The following CCM2 variants were observed in gnomAD, a reference collection of about 807,000 sequenced individuals.
CCM2 encodes CCM2 scaffold protein.
CCM2 carries 25 observed loss-of-function variants against 44.9 expected under a neutral mutation model. The ratio of observed to expected loss-of-function variants is 0.56; its 90% CI spans 0.41 to 0.78. The LOEUF (loss-of-function observed/expected upper bound fraction) is 0.78, where lower values mean the gene tolerates loss of function less well. Ranked by LOEUF, CCM2 falls within the 30% of genes least tolerant of loss-of-function variation. CCM2 has a pLI of 0.00. For synonymous variants in CCM2, 219 were observed against 241.1 expected (o/e 0.91, Z 0.85); for missense variants, 481 against 580.6 (o/e 0.83, Z 1.76).
At chr7:45,028,472 A>G (rs1027742523) in intron 1 of CCM2, among the ~76,000 whole-genome samples, 4 of 152,096 alleles carry the variant, frequency 2.6e-5, no homozygotes, top group African/African-American at 4.8e-5. Context: ...TCTGACTAAC[A>G]TGGTGAAACC....
intron 2 of CCM2, among the ~76,000 whole-genome samples, chr7:45,049,908 A>T (rs1362192025): frequency 6.6e-6 from 1 of 152,254 alleles, no homozygotes; most frequent in Non-Finnish European, 1.5e-5. Context: ...AATTTAAAAA[A>T]TACAGTGTAA....
At chr7:45,016,521 G>C (rs948287153) in intron 1 of CCM2, among the ~76,000 whole-genome samples, 1 of 151,446 alleles carries the variant, frequency 6.6e-6, no homozygotes, top group Non-Finnish European at 1.5e-5. Flanking sequence ...GTAGAGACGG[G>C]GTTTCATTAT....
intron 2 of CCM2, among the ~76,000 whole-genome samples, chr7:45,045,005 A>C (rs1797684851): frequency 6.6e-6 from 1 of 152,242 alleles, no homozygotes; most frequent in African/African-American, 2.4e-5. Context: ...TATAATAGAA[A>C]TTGGTGAAAT....
At chr7:45,005,961 A>G (rs563964817) in intron 1 of CCM2, among the ~76,000 whole-genome samples, 5 of 152,190 alleles carry the variant, frequency 3.3e-5, no homozygotes, top group African/African-American at 1.2e-4. Flanking sequence ...GGTGTTCCAC[A>G]TCATGCATTC....
rs11424221 is a variant in CCM2 at position 45,037,418 on chromosome 7, CT to C, written c.31-815del. Among the ~76,000 whole-genome samples the C allele has an allele frequency of 3.0e-3, 332 of 112,062 alleles. 1 individual carries two copies. Among genetic ancestry groups the C allele is most frequent in the Non-Finnish European group, 4.1e-3 (240 of 58,594 alleles). 73.5% of individuals were successfully genotyped at this position (112,062 alleles called of 152,430 possible). ...CTGCTGATCAGGGCTTCTCCCCCTA[CT>C]TTTTTTTTTTTTTTTTTTTGAGACA... On this transcript the variant is annotated intron_variant, in intron 1 of 9. Transcript: ENST00000258781.
intron 2 of CCM2, among the ~76,000 whole-genome samples, chr7:45,041,982 T>C (rs1335846079): frequency 2.6e-5 from 4 of 152,092 alleles, no homozygotes; most frequent in Non-Finnish European, 5.9e-5. Context: ...TACTTGGTGG[T>C]AAAGGTGGTG....
chr7:45,054,161 C>T (rs1798140897), intron 2 of CCM2, among the ~76,000 whole-genome samples: 1 of 152,150 alleles, frequency 6.6e-6, no homozygotes, highest in African/African-American at 2.4e-5. Context: ...CCGGTGTCAG[C>T]CATGGAGGAG....
chr7:45,064,975 G>C (rs1798703178), intron 4 of CCM2, among the ~76,000 whole-genome samples: 1 of 152,120 alleles, frequency 6.6e-6, no homozygotes, highest in South Asian at 2.1e-4. Flanking sequence ...AGGTGTGGTG[G>C]AGCCTAGAGA....
chr7:45,033,863 G>A (rs1209013771), intron 1 of CCM2, among the ~76,000 whole-genome samples: 1 of 152,202 alleles, frequency 6.6e-6, no homozygotes, highest in East Asian at 1.9e-4. Context: ...GCAAAGCCTG[G>A]TGTGTTTTTA....
rs548733438 is a variant in CCM2 at position 45,049,580 on chromosome 7, T to G, written c.204+11154T>G. 2.0e-5 allele frequency among the ~76,000 whole-genome samples: 3 copies of G among 152,374 alleles called. No individual in the cohort carries two copies. In the South Asian group the frequency reaches 6.2e-4, roughly 32 times the overall value. On this transcript the variant is annotated intron_variant, in intron 2 of 9. Transcript: ENST00000258781. ...TGCATGATATTCCATTAGATAGCTGTGTCATATTCTATTTAACCAGTGATT... is the reference window on the plus strand; with the variant it reads ...TGCATGATATTCCATTAGATAGCTGGGTCATATTCTATTTAACCAGTGATT...
intron 1 of CCM2, among the ~76,000 whole-genome samples, chr7:45,001,620 A>C (rs1004894721): frequency 2.0e-5 from 3 of 152,132 alleles, no homozygotes; most frequent in Non-Finnish European, 4.4e-5. Context: ...CGCGCTAAGG[A>C]CTGATGACCT....
At position 45,027,418 on chromosome 7, in the gene CCM2, A is replaced by G. The variant is rs1294962; in HGVS notation, c.31-10835A>G. ...TTAATGTCCTTCTGTTGACTGCAGAATTTCTGCTGGAAATGCAGGGAGGCT... is the reference window on the plus strand; with the variant it reads ...TTAATGTCCTTCTGTTGACTGCAGAGTTTCTGCTGGAAATGCAGGGAGGCT... On this transcript the variant is annotated intron_variant, in intron 1 of 9. Transcript: ENST00000258781. The G allele has an allele frequency of 0.85, 438,985 of 517,936 alleles. 186,933 individuals carry two copies. Among genetic ancestry groups the G allele is most frequent in the African/African-American group, 0.96 (50,283 of 52,178 alleles). The allele number at this position is 517,936 out of a possible 1,614,324, so 32.1% of individuals were successfully genotyped here.
intron 6 of CCM2, chr7:45,070,397 C>A: frequency 2.2e-6 from 1 of 454,064 alleles, no homozygotes; most frequent in Non-Finnish European, 4.4e-6. Flanking sequence ...AGGACCATGG[C>A]CAGACCCATG....
chr7:45,002,199 A>G (rs924396111), intron 1 of CCM2, among the ~76,000 whole-genome samples: 16 of 152,264 alleles, frequency 1.1e-4, no homozygotes, highest in African/African-American at 3.9e-4. Flanking sequence ...AAATTCAGAC[A>G]TAAGTAGCAG....
chr7:45,034,074 G>C (rs370518784), intron 1 of CCM2, among the ~76,000 whole-genome samples: 1 of 152,142 alleles, frequency 6.6e-6, no homozygotes, highest in African/African-American at 2.4e-5. Flanking sequence ...GCTTGTCAGG[G>C]ATTAAGGAGA....
intron 2 of CCM2, among the ~76,000 whole-genome samples, chr7:45,040,386 A>C (rs1240217344): frequency 6.6e-6 from 1 of 152,208 alleles, no homozygotes; most frequent in Non-Finnish European, 1.5e-5. Context: ...CTCAAAAAAA[A>C]AAGTAAAAAA....
intron 1 of CCM2, among the ~76,000 whole-genome samples, chr7:45,004,735 C>G (rs142343452): frequency 6.6e-6 from 1 of 151,896 alleles, no homozygotes; most frequent in African/African-American, 2.4e-5. Context: ...TGGCCAGGTG[C>G]GGTGGCTCAC....
At chr7:45,046,542 T>C (rs1041649452) in intron 2 of CCM2, among the ~76,000 whole-genome samples, 1 of 152,196 alleles carries the variant, frequency 6.6e-6, no homozygotes, top group African/African-American at 2.4e-5. Context: ...CAGTTGGACA[T>C]TTGTAGGCAA....
In CCM2 at chr7:45,000,218, C is replaced by T; in HGVS notation, c.-116C>T. The T allele has an allele frequency of 1.4e-5, 8 of 576,752 alleles. No individual in the cohort carries two copies. The highest frequency in any genetic ancestry group is 1.5e-5 in the Non-Finnish European group (7 of 469,502). 35.7% of individuals were successfully genotyped at this position (576,752 alleles called of 1,614,324 possible). On this transcript the variant is annotated 5_prime_UTR_variant, in exon 1 of 10. Coordinates refer to ENST00000258781, the MANE Select transcript of CCM2 (RefSeq NM_031443.4). ...GCCGGGGCGGAGACTTCGGGCCCGGCTGGCGGGCGGCGCCGGGAGCGCGGG... is the reference window on the plus strand; with the variant it reads ...GCCGGGGCGGAGACTTCGGGCCCGGTTGGCGGGCGGCGCCGGGAGCGCGGG...
Sources: allele counts gnomAD v4.1 joint callset (sites outside exome capture counted in the v4.1 genomes callset), GRCh38; gene constraint gnomAD v4.1.1; transcripts MANE v1.5; gene names NCBI Gene and HGNC (gene_info 2026-07-23, HGNC 2026-07-21).